FILIP1: variants seen among roughly 807,000 people sequenced by gnomAD.
FILIP1 encodes the protein filamin-A-interacting protein 1.
In FILIP1, 61 loss-of-function variants were observed where a neutral mutation model predicts 102.1. The ratio of observed to expected loss-of-function variants is 0.60; its 90% CI spans 0.49 to 0.74. The LOEUF (loss-of-function observed/expected upper bound fraction) is 0.74. Ranked by LOEUF, FILIP1 falls within the 30% of genes least tolerant of loss-of-function variation. The pLI, the probability that FILIP1 is intolerant of heterozygous loss-of-function variation, is 0.00. For synonymous variants in FILIP1, 491 were observed against 526.9 expected (o/e 0.93, Z 0.93); for missense variants, 1,314 against 1,441.2 (o/e 0.91, Z 1.43).
At chr6:75,378,160 C>T (rs922345799) in intron 2 of FILIP1, among the ~76,000 whole-genome samples, 1 of 151,684 alleles carries the variant, frequency 6.6e-6, no homozygotes, top group Admixed American at 6.6e-5. Flanking sequence ...TAACATTGAA[C>T]TCATGATCAA....
At chr6:75,348,530 A>G (rs1774675060) in intron 4 of FILIP1, among the ~76,000 whole-genome samples, 1 of 152,234 alleles carries the variant, frequency 6.6e-6, no homozygotes, top group African/African-American at 2.4e-5. Flanking sequence ...GAATAAAGGA[A>G]GCCCAGAACA....
chr6:75,393,289 G>A (rs1051658450), intron 2 of FILIP1, among the ~76,000 whole-genome samples: 1 of 151,932 alleles, frequency 6.6e-6, no homozygotes, highest in African/African-American at 2.4e-5. Context: ...AATAAATAAA[G>A]TTATTCATAT....
At chr6:75,472,286 C>T (rs1779354476) in intron 1 of FILIP1, among the ~76,000 whole-genome samples, 1 of 151,996 alleles carries the variant, frequency 6.6e-6, no homozygotes, top group Non-Finnish European at 1.5e-5. Flanking sequence ...CATTTACCCA[C>T]CCAGGGTGCT....
intron 2 of FILIP1, among the ~76,000 whole-genome samples, chr6:75,385,369 G>A (rs72887209): frequency 0.076 from 11,611 of 152,122 alleles, 645 homozygotes; most frequent in Non-Finnish European, 0.11. Context: ...GCTATTGGGC[G>A]CACTTGAAGG....
At chr6:75,380,252 G>T (rs1340189253) in intron 2 of FILIP1, among the ~76,000 whole-genome samples, 1 of 146,930 alleles carries the variant, frequency 6.8e-6, no homozygotes, top group Non-Finnish European at 1.5e-5. Flanking sequence ...GAAAGATATA[G>T]GGTAACTATA....
chr6:75,361,393 C>A (rs974786204), intron 3 of FILIP1, among the ~76,000 whole-genome samples: 1 of 152,110 alleles, frequency 6.6e-6, no homozygotes, highest in African/African-American at 2.4e-5. Context: ...CAAGCTCTAG[C>A]CTTGGAAGAA....
chr6:75,361,665 C>A (rs1229651214), intron 3 of FILIP1, among the ~76,000 whole-genome samples: 2 of 152,044 alleles, frequency 1.3e-5, no homozygotes, highest in Non-Finnish European at 2.9e-5. Flanking sequence ...TTTATTAAAC[C>A]CTCACAGCAG....
intron 1 of FILIP1, among the ~76,000 whole-genome samples, chr6:75,417,433 A>G (rs1028667479): frequency 3.9e-5 from 6 of 152,228 alleles, no homozygotes; most frequent in Non-Finnish European, 7.3e-5. Context: ...TGAGGAAGAT[A>G]AACATAATTT....
Position 75,444,696 on chromosome 6 carries a change from T to C in FILIP1, c.-6-29718A>G, listed in dbSNP as rs551557973. Among the ~76,000 whole-genome samples the C allele has an allele frequency of 5.3e-5, 8 of 152,306 alleles. No homozygotes were observed. The South Asian group carries it at 1.0e-3, about 20-fold the overall frequency. On this transcript the variant is annotated intron_variant, in intron 1 of 5. Transcript: ENST00000237172. ...AGATTGCTTTATTAATAACGAAGCT[T>C]AAATGGACCTGTTCCAGTGTGTGAC...
chr6:75,394,865 A>C (rs1210717394), intron 2 of FILIP1, among the ~76,000 whole-genome samples: 2 of 152,298 alleles, frequency 1.3e-5, no homozygotes, highest in East Asian at 3.9e-4. Flanking sequence ...TCGCAAATTT[A>C]TATACCATTT....
At chr6:75,371,523 T>A (rs1325643827) in intron 2 of FILIP1, among the ~76,000 whole-genome samples, 3 of 152,184 alleles carry the variant, frequency 2.0e-5, no homozygotes, top group Admixed American at 6.5e-5. Context: ...GCTGAAATAA[T>A]CTTGAAAAAT....
chr6:75,457,488 TG>T (rs1474914993), intron 1 of FILIP1, among the ~76,000 whole-genome samples: 5 of 152,162 alleles, frequency 3.3e-5, no homozygotes, highest in African/African-American at 1.2e-4. Context: ...CCCTAGGCAC[TG>T]AAAAGATTAT....
chr6:75,458,254 A>C (rs891288336), intron 1 of FILIP1: 1 of 152,190 alleles, frequency 6.6e-6, no homozygotes, highest in Admixed American at 6.5e-5. Context: ...GAGGCCAGGG[A>C]TGCTGTTAAA....
intron 4 of FILIP1, chr6:75,319,427 G>T (rs998137993): frequency 1.6e-6 from 1 of 621,990 alleles, no homozygotes; most frequent in African/African-American, 1.8e-5. Flanking sequence ...CTTTAGGAGG[G>T]CTATAGATTT....
At chr6:75,344,111 ATG>A (rs1197690828) in intron 4 of FILIP1, among the ~76,000 whole-genome samples, 20 of 152,184 alleles carry the variant, frequency 1.3e-4, no homozygotes, top group African/African-American at 4.8e-4. Context: ...CCCAGCTATG[ATG>A]TGGTTTTCTT....
chr6:75,455,778 T>C (rs1778809530), intron 1 of FILIP1, among the ~76,000 whole-genome samples: 1 of 152,140 alleles, frequency 6.6e-6, no homozygotes. Flanking sequence ...ACATTTACCT[T>C]TCAAATCAAA....
chr6:75,341,015 T>G (rs1288033914), intron 4 of FILIP1, among the ~76,000 whole-genome samples: 1 of 151,986 alleles, frequency 6.6e-6, no homozygotes, highest in African/African-American at 2.4e-5. Context: ...TCCGCTTGTG[T>G]ATTTTTCATA....
At chr6:75,316,306 T>C (rs1773444236) in intron 4 of FILIP1, among the ~76,000 whole-genome samples, 1 of 152,182 alleles carries the variant, frequency 6.6e-6, no homozygotes, top group Non-Finnish European at 1.5e-5. Context: ...AATAGGTTTA[T>C]AAGGGAAGCA....
At chr6:75,453,022 G>A (rs1778688885) in intron 1 of FILIP1, among the ~76,000 whole-genome samples, 1 of 152,154 alleles carries the variant, frequency 6.6e-6, no homozygotes, top group Non-Finnish European at 1.5e-5. Flanking sequence ...AGTGTTCGCT[G>A]TAATTTCCAG....
Sources: gnomAD v4.1 joint callset for allele counts (sites outside exome capture counted in the v4.1 genomes callset) on GRCh38, gnomAD v4.1.1 for gene constraint, MANE v1.5 for transcripts, NCBI Gene and HGNC (gene_info 2026-07-23, HGNC 2026-07-21) for gene names.